Variants in SUSD3 observed in about 807,000 individuals in gnomAD.
SUSD3 encodes the protein sushi domain containing 3, also known as sushi domain-containing protein 3.
A neutral mutation model predicts 20.6 loss-of-function variants in SUSD3; 18 were observed. The observed-to-expected ratio is 0.87, with a 90% CI of 0.60 to 1.30. The LOEUF is 1.30. Ranked by LOEUF, SUSD3 falls within the 50% of genes most tolerant of loss-of-function variation. The pLI is 0.00. For missense variants in SUSD3, 306 were observed against 346.9 expected (o/e 0.88, Z 0.94); for synonymous variants, 137 against 141.5 (o/e 0.97, Z 0.23).
At chr9:93,075,736 G>GACCCCCC in intron 1 of SUSD3, 48 bp from the exon 2 acceptor site, 2 of 272,216 alleles carry the variant, frequency 7.3e-6, no homozygotes, top group Non-Finnish European at 1.2e-5. Context: ...TGCCCTGCGT[G>GACCCCCC]CCCACCCCCC....
intron 1 of SUSD3, among the ~76,000 whole-genome samples, chr9:93,070,281 T>C (rs1339431026): frequency 6.6e-6 from 1 of 152,228 alleles, no homozygotes; most frequent in African/African-American, 2.4e-5. Context: ...AATCCACCTC[T>C]CTGAGCCTTA....
chr9:93,074,009 T>G (rs1826019218), intron 1 of SUSD3, among the ~76,000 whole-genome samples: 1 of 152,224 alleles, frequency 6.6e-6, no homozygotes, highest in Admixed American at 6.5e-5. Flanking sequence ...GGTAGGCTGC[T>G]ATGCCGATAG....
intron 1 of SUSD3, 47 bp from the exon 2 acceptor site, chr9:93,075,737 C>CA: frequency 1.7e-5 from 2 of 115,920 alleles, no homozygotes; most frequent in Non-Finnish European, 1.6e-5. Flanking sequence ...GCCCTGCGTG[C>CA]CCACCCCCCC....
At chr9:93,075,430 T>G (rs1826093273) in intron 1 of SUSD3, among the ~76,000 whole-genome samples, 1 of 149,040 alleles carries the variant, frequency 6.7e-6, no homozygotes, top group African/African-American at 2.5e-5. Context: ...TTTTTTTTTT[T>G]TTTTGTTCTG....
chr9:93,081,253 T>A (rs139439803), intron 4 of SUSD3, among the ~76,000 whole-genome samples: 291 of 152,296 alleles, frequency 1.9e-3, no homozygotes, highest in Non-Finnish European at 3.2e-3. Context: ...GAGCCCTGTT[T>A]CTGTGGGTGG....
chr9:93,076,040 T>G, intron 2 of SUSD3, 68 bp downstream of exon 2: 1 of 1,387,184 alleles, frequency 7.2e-7, no homozygotes, highest in Non-Finnish European at 9.9e-7. Flanking sequence ...GTCATGGGGA[T>G]GGTGTGGGTG....
chr9:93,081,608 G>A (rs888701565), intron 4 of SUSD3, among the ~76,000 whole-genome samples: 23 of 152,248 alleles, frequency 1.5e-4, no homozygotes, highest in African/African-American at 5.3e-4. Flanking sequence ...CACAGGAGAT[G>A]GTGGTCTCTG....
At chr9:93,068,933 G>A (rs527860008) in intron 1 of SUSD3, among the ~76,000 whole-genome samples, 1 of 152,202 alleles carries the variant, frequency 6.6e-6, no homozygotes, top group East Asian at 1.9e-4. Flanking sequence ...TGAACAGAGT[G>A]AAAGATTAAT....
chr9:93,067,545 G>A (rs1825762260), intron 1 of SUSD3, among the ~76,000 whole-genome samples: 1 of 151,754 alleles, frequency 6.6e-6, no homozygotes, highest in Admixed American at 6.6e-5. Flanking sequence ...CAAACTAGTA[G>A]CTTCTGAGGT....
intron 3 of SUSD3, among the ~76,000 whole-genome samples, chr9:93,078,326 T>C (rs1826260052): frequency 6.6e-6 from 1 of 152,164 alleles, no homozygotes; most frequent in African/African-American, 2.4e-5. Flanking sequence ...TAGCGTGATC[T>C]CAGCTCACTG....
Position 93,058,715 on chromosome 9 carries a change from C to A in SUSD3, c.-28C>A. On this transcript the variant is annotated 5_prime_UTR_variant, in exon 1 of 5. Transcript: ENST00000375472. The stretch of plus-strand genomic sequence containing the variant: ...AAGCCGGGCTCACTCCCCTGGCAGA[C>A]CCCGCCAAGCGCCTCGGAGCGCGCA... 3 of 1,220,408 alleles carry A rather than the reference C, an allele frequency of 2.5e-6. No individual in the cohort carries two copies. The highest frequency in any genetic ancestry group is 3.1e-6 in the Non-Finnish European group (3 of 977,174). The allele number at this position is 1,220,408 out of a possible 1,614,324, so 75.6% of individuals were successfully genotyped here. A position where few individuals can be genotyped will look rare whatever the true frequency, so the allele number is the denominator to read the frequency against.
At chr9:93,071,852 A>G (rs118105070) in intron 1 of SUSD3, among the ~76,000 whole-genome samples, 6,989 of 152,224 alleles carry the variant, frequency 0.046, 224 homozygotes, top group Non-Finnish European at 0.072. Context: ...AACCGCAGCC[A>G]GGGGTGGGAA....
rs1265608936 is a variant in SUSD3, at chr9:93,077,940, C to T, written c.372C>T (p.Leu124=). ...TCCTGCTCATGTCCATGGCCTTCCT[C>T]ACCTGCTGCCTCCTCAAGTGCGTGA... ...AIILLMSMAF[L]TCCLLKCVKK... Residue 124 remains leucine (L), a synonymous_variant, in exon 3 of 5, where the codon CTC becomes CTT. Transcript: ENST00000375472. 1.1e-5 allele frequency: 17 copies of T among 1,614,246 alleles called. No individual in the cohort carries two copies. The highest frequency in any genetic ancestry group is 1.4e-5 in the Non-Finnish European group (16 of 1,180,046).
intron 4 of SUSD3, among the ~76,000 whole-genome samples, chr9:93,081,169 C>A (rs11791025): frequency 0.036 from 5,498 of 152,252 alleles, 147 homozygotes; most frequent in Non-Finnish European, 0.051. Flanking sequence ...GTGAGTGCTT[C>A]CTGCCTTGCA....
intron 1 of SUSD3, among the ~76,000 whole-genome samples, chr9:93,062,914 G>C (rs1439262063): frequency 2.0e-5 from 3 of 152,264 alleles, no homozygotes; most frequent in South Asian, 2.1e-4. Flanking sequence ...CTGGCTGTGA[G>C]TTCGCTGTGA....
chr9:93,075,731 T>TGGGGGGGGGGGGGGGGGGGGGGG (rs1826113534), intron 1 of SUSD3, 53 bp from the exon 2 acceptor site: 12 of 398,894 alleles, frequency 3.0e-5, no homozygotes, highest in East Asian at 4.8e-5. Flanking sequence ...AGCCCTGCCC[T>TGGGGGGGGGGGGGGGGGGGGGGG]GCGTGCCCAC....
In SUSD3 at chr9:93,058,842, G is replaced by A; in HGVS notation, c.88+12G>A. 7.9e-7 allele frequency: 1 copy of A among 1,259,128 alleles called. No homozygotes were observed. Among genetic ancestry groups the A allele is most frequent in the Non-Finnish European group, 1.0e-6 (1 of 998,790 alleles). 78.0% of individuals were successfully genotyped at this position (1,259,128 alleles called of 1,614,324 possible). A position where few individuals can be genotyped will look rare whatever the true frequency, so the allele number is the denominator to read the frequency against. On this transcript the variant is annotated intron_variant, in intron 1 of 4. Coordinates refer to ENST00000375472, the MANE Select transcript of SUSD3 (RefSeq NM_145006.4). The stretch of plus-strand genomic sequence containing the variant: ...AGGGAACCGCACAGGTGAGGGCTGG[G>A]GCCGAGTGGCCGCGTGCGGGGCTCT...
At position 93,084,153 on chromosome 9, in the gene SUSD3, C is replaced by T. The variant is rs535098748; in HGVS notation, c.558-384C>T. On this transcript the variant is annotated intron_variant, in intron 4 of 4. Transcript: ENST00000375472. The stretch of plus-strand genomic sequence containing the variant: ...AGGGAAGATGTCCTCCCCTTGACCT[C>T]CTGCTCCCCAGCATCCCTTCTCTGC... 2.8e-3 allele frequency among the ~76,000 whole-genome samples: 431 copies of T among 152,222 alleles called. 1 individual carries two copies. The highest frequency in any genetic ancestry group is 0.02 in the South Asian group (96 of 4,830).
rs1741426335 is a variant in SUSD3 at position 93,065,049 on chromosome 9, G to A, written c.88+6219G>A. ...CCAGACCGCTCAGCAGTGGTTAAAT[G>A]TCTGGGTCCTGGATGGGGAGTGGTA... On this transcript the variant is annotated intron_variant, in intron 1 of 4. Coordinates refer to ENST00000375472, the MANE Select transcript of SUSD3 (RefSeq NM_145006.4). Among the ~76,000 whole-genome samples, 3 of 152,174 alleles carry A rather than the reference G, an allele frequency of 2.0e-5. No homozygotes were observed. In the South Asian group the frequency reaches 6.2e-4, roughly 32 times the overall value.
Sources: allele counts gnomAD v4.1 joint callset (sites outside exome capture counted in the v4.1 genomes callset), GRCh38; gene constraint gnomAD v4.1.1; transcripts MANE v1.5; gene names NCBI Gene and HGNC (gene_info 2026-07-23, HGNC 2026-07-21).